TTC34: variants seen among roughly 807,000 people sequenced by gnomAD.
The protein encoded by TTC34 is tetratricopeptide repeat domain 34.
Under a neutral mutation model 40.7 loss-of-function variants are expected in TTC34, and 44 were observed. That is an observed-to-expected ratio of 1.08 (90% CI 0.85 to 1.39). The LOEUF (loss-of-function observed/expected upper bound fraction) is 1.39, where lower values mean the gene tolerates loss of function less well. Ranked by LOEUF, TTC34 falls within the 40% of genes most tolerant of loss-of-function variation. The probability of loss-of-function intolerance (pLI) is 0.00; values close to 1 mark genes in which losing one functional copy is unlikely to be tolerated. For synonymous variants in TTC34, 422 were observed against 398.6 expected, an observed-to-expected ratio of 1.06 and a Z score of -0.70; for missense variants, 884 against 838.0, an observed-to-expected ratio of 1.05 and a Z score of -0.68.
In TTC34 at chr1:2,700,338, G is replaced by C. The variant is rs540194572; in HGVS notation, c.2227-54775C>G. Among the ~76,000 whole-genome samples the C allele has an allele frequency of 8.5e-4, 97 of 113,710 alleles. 12 individuals are homozygous for C. Among genetic ancestry groups the C allele is most frequent in the African/African-American group, 2.6e-3 (94 of 35,944 alleles). The allele number at this position is 113,710 out of a possible 152,430, so 74.6% of individuals were successfully genotyped here. ...GTCTGGGGCAGCACCCACTCCCGCA[G>C]GTGAGCATCCGACAGCCTGGAGCAG... On this transcript the variant is annotated intron_variant, in intron 6 of 8. Coordinates refer to ENST00000401095, the Ensembl canonical transcript of TTC34.
At chr1:2,681,098 C>T (rs1168623491) in intron 6 of TTC34, among the ~76,000 whole-genome samples, 1 of 85,178 alleles carries the variant, frequency 1.2e-5, no homozygotes, top group East Asian at 2.7e-4. Context: ...AGAGCAGTGC[C>T]CACACCCCCA....
At chr1:2,801,029 G>A (rs1335983781) in intron 1 of TTC34, among the ~76,000 whole-genome samples, 161 bp from the exon 2 acceptor site, 1 of 152,160 alleles carries the variant, frequency 6.6e-6, no homozygotes. Context: ...GGCTGGTGGG[G>A]TGGGGCCTAC....
chr1:2,690,391 C>T lies in TTC34; in HGVS notation c.2227-44828G>A, dbSNP rs1207323138. ...AGCAGCACCCACACCCCCAGGCGAG[C>T]ATCTGACCCAACGGAGCAGAACCCA... On this transcript the variant is annotated intron_variant, in intron 6 of 8. Transcript: ENST00000401095. Among the ~76,000 whole-genome samples, 8 of 151,878 alleles carry T rather than the reference C, an allele frequency of 5.3e-5. 1 individual carries two copies. The highest frequency in any genetic ancestry group is 1.9e-4 in the African/African-American group (8 of 41,524).
exon 3 of TTC34, chr1:2,789,534 C>A: frequency 6.7e-7 from 1 of 1,500,308 alleles, no homozygotes; most frequent in Non-Finnish European, 8.9e-7. Flanking sequence ...CCCGTCTCTG[C>A]GGCCTCCCTC....
chr1:2,639,773 T>A (rs1383026774), exon 9 of TTC34: 1 of 152,336 alleles, frequency 6.6e-6, no homozygotes, highest in African/African-American at 2.4e-5. Flanking sequence ...CCTCTCCCAC[T>A]GTGGGCTGCC....
intron 6 of TTC34, among the ~76,000 whole-genome samples, chr1:2,752,637 GGAACTGCACACA>G: frequency 7.7e-6 from 1 of 129,816 alleles, no homozygotes; most frequent in African/African-American, 3.3e-5. Flanking sequence ...CTGACACCCT[GGAACTGCACACA>G]CACCCCCAGG....
At chr1:2,699,561 G>A (rs917975985) in intron 6 of TTC34, among the ~76,000 whole-genome samples, 32 of 75,972 alleles carry the variant, frequency 4.2e-4, no homozygotes, top group South Asian at 8.5e-4. Context: ...ACAGCCTGGA[G>A]CAGCACCCAC....
At chr1:2,777,652 G>T (rs1023764814) in intron 6 of TTC34, among the ~76,000 whole-genome samples, 1 of 143,204 alleles carries the variant, frequency 7.0e-6, no homozygotes, top group African/African-American at 2.5e-5. Context: ...TTGAGCCTGT[G>T]CCATGCCTCC....
At chr1:2,788,264 G>C (rs941072045) in intron 3 of TTC34, among the ~76,000 whole-genome samples, 1 of 152,118 alleles carries the variant, frequency 6.6e-6, no homozygotes, top group Admixed American at 6.5e-5. Context: ...TGTGTGTTTT[G>C]TGTGCGTTAT....
chr1:2,792,653 T>C (rs1643675667), intron 2 of TTC34, among the ~76,000 whole-genome samples: 1 of 152,258 alleles, frequency 6.6e-6, no homozygotes, highest in South Asian at 2.1e-4. Flanking sequence ...TCAGCCCAGC[T>C]AGTCTTTACC....
chr1:2,768,506 T>G (rs1234777178), intron 6 of TTC34, among the ~76,000 whole-genome samples: 2 of 150,960 alleles, frequency 1.3e-5, no homozygotes, highest in African/African-American at 4.9e-5. Context: ...CGCCCTCAGG[T>G]GAGTGTCTGA....
intron 6 of TTC34, among the ~76,000 whole-genome samples, chr1:2,682,035 A>G (rs1459290473): frequency 2.1e-5 from 2 of 96,830 alleles, no homozygotes; most frequent in Non-Finnish European, 4.1e-5. Flanking sequence ...CCCACAGGTG[A>G]GCATCTGACA....
chr1:2,791,398 A>G (rs1643662454), intron 2 of TTC34, among the ~76,000 whole-genome samples: 1 of 152,378 alleles, frequency 6.6e-6, no homozygotes. Flanking sequence ...TGACTCCTTC[A>G]GAATTTTCAA....
intron 6 of TTC34, among the ~76,000 whole-genome samples, chr1:2,646,867 C>A (rs1490677666): frequency 6.6e-6 from 1 of 152,240 alleles, no homozygotes; most frequent in Non-Finnish European, 1.5e-5. Context: ...ACGAATCTCT[C>A]AGCTTCCATT....
At position 2,782,078 on chromosome 1, in the gene TTC34, G is replaced by A. The variant is rs144767846; in HGVS notation, c.2226+1531C>T. ...ATTTTTTGGAAAAGTTTGAGGATTCGTGTTAGTTCTTTAAATATTTGGTAG... is the reference window on the plus strand; with the variant it reads ...ATTTTTTGGAAAAGTTTGAGGATTCATGTTAGTTCTTTAAATATTTGGTAG... On this transcript the variant is annotated intron_variant, in intron 6 of 8. Coordinates refer to ENST00000401095, the Ensembl canonical transcript of TTC34. Among the ~76,000 whole-genome samples the A allele has an allele frequency of 4.9e-3, 742 of 152,230 alleles. 5 individuals carry two copies. Among genetic ancestry groups the A allele is most frequent in the Middle Eastern group, 0.01 (3 of 294 alleles).
intron 6 of TTC34, among the ~76,000 whole-genome samples, chr1:2,759,599 C>CACCAG (rs1641624086): frequency 6.6e-6 from 1 of 152,180 alleles, no homozygotes; most frequent in African/African-American, 2.4e-5. Flanking sequence ...GCACCCACAC[C>CACCAG]GCCAGGCGAG....
intron 6 of TTC34, among the ~76,000 whole-genome samples, chr1:2,684,011 GAC>G (rs528932406): frequency 7.8e-6 from 1 of 127,596 alleles, no homozygotes; most frequent in East Asian, 2.1e-4. Flanking sequence ...GTGAGCATCT[GAC>G]AGCCTGGAAC....
intron 6 of TTC34, among the ~76,000 whole-genome samples, chr1:2,778,144 A>T (rs551104159): frequency 6.6e-6 from 1 of 152,366 alleles, no homozygotes; most frequent in South Asian, 2.1e-4. Flanking sequence ...GCCCTGCAGC[A>T]GCAAGCATGG....
rs1023923826 is a variant in TTC34 at position 2,699,990 on chromosome 1, A to G, written c.2227-54427T>C. Among the ~76,000 whole-genome samples the G allele has an allele frequency of 3.7e-5, 4 of 107,946 alleles. 1 individual carries two copies. The highest frequency in any genetic ancestry group is 1.2e-4 in the African/African-American group (4 of 34,360). The allele number at this position is 107,946 out of a possible 152,430, so 70.8% of individuals were successfully genotyped here. On this transcript the variant is annotated intron_variant, in intron 6 of 8. Transcript: ENST00000401095. ...GCTCACACCCCAAGGTGAGCATCTGACAGCCTGGAGCAGCGTCCACACCCC... is the reference window on the plus strand; with the variant it reads ...GCTCACACCCCAAGGTGAGCATCTGGCAGCCTGGAGCAGCGTCCACACCCC...
Sources: gnomAD v4.1 joint callset for allele counts (sites outside exome capture counted in the v4.1 genomes callset) on GRCh38, gnomAD v4.1.1 for gene constraint, MANE v1.5 for transcripts, NCBI Gene and HGNC (gene_info 2026-07-23, HGNC 2026-07-21) for gene names.